The following EPB41 variants were observed in gnomAD, a reference collection of about 807,000 sequenced individuals.
The protein encoded by EPB41 is protein 4.1.
EPB41 carries 65 observed loss-of-function variants against 108.0 expected under a neutral mutation model. The observed-to-expected ratio is 0.60, with a 90% CI of 0.49 to 0.74. The LOEUF is 0.74. Ranked by LOEUF, EPB41 falls within the 30% of genes least tolerant of loss-of-function variation. The probability of loss-of-function intolerance (pLI) is 0.00; values close to 1 mark genes in which losing one functional copy is unlikely to be tolerated. For missense variants in EPB41, 875 were observed against 1,037.0 expected (o/e 0.84, Z 2.15); for synonymous variants, 336 against 358.9 (o/e 0.94, Z 0.72).
intron 16 of EPB41, among the ~76,000 whole-genome samples, chr1:29,095,014 T>C (rs1662690289): frequency 6.6e-6 from 1 of 152,238 alleles, no homozygotes; most frequent in Non-Finnish European, 1.5e-5. Flanking sequence ...TGTTATACTA[T>C]ATTCTTTAGG....
intron 1 of EPB41, among the ~76,000 whole-genome samples, chr1:28,948,433 CG>C (rs2148912579): frequency 6.7e-6 from 1 of 149,356 alleles, no homozygotes; most frequent in Non-Finnish European, 1.5e-5. Context: ...GGCATGAACC[CG>C]AGAGGCAGAG....
chr1:29,070,377 C>T, intron 16 of EPB41: 1 of 1,232,078 alleles, frequency 8.1e-7, no homozygotes, highest in Non-Finnish European at 1.0e-6. Context: ...CAGGAACGTG[C>T]TCTGTTAGTA....
chr1:28,949,601 T>A (rs1021555587), intron 1 of EPB41, among the ~76,000 whole-genome samples: 2 of 151,928 alleles, frequency 1.3e-5, no homozygotes, highest in Admixed American at 6.6e-5. Context: ...TTTATTTATT[T>A]ATTTATTTTT....
intron 3 of EPB41, 95 bp downstream of exon 3, chr1:28,993,637 G>A: frequency 1.1e-6 from 1 of 928,522 alleles, no homozygotes; most frequent in South Asian, 1.5e-5. Context: ...AAGACTCACT[G>A]TAGTGATTAT....
At chr1:28,962,668 T>C (rs2095253741) in intron 1 of EPB41, among the ~76,000 whole-genome samples, 1 of 152,108 alleles carries the variant, frequency 6.6e-6, no homozygotes, top group African/African-American at 2.4e-5. Context: ...TTGACTAGGT[T>C]AGAACTTTCT....
At chr1:29,113,340 T>C (rs1467945091) in intron 19 of EPB41, among the ~76,000 whole-genome samples, 1 of 152,238 alleles carries the variant, frequency 6.6e-6, no homozygotes, top group Non-Finnish European at 1.5e-5. Flanking sequence ...GCTGATATGC[T>C]GAGTGCCTTT....
rs533939229 is a variant in EPB41, at chr1:28,974,129, C to G, written c.-7-13302C>G. Among the ~76,000 whole-genome samples the G allele has an allele frequency of 2.0e-5, 3 of 152,266 alleles. No homozygotes were observed. In the South Asian group the frequency reaches 6.2e-4, roughly 32 times the overall value. Reference sequence around the variant, plus strand: ...CTTCTAGCTCTGACAGATTTTTTCTCTCTAAAATAGATTGCTCAGAACCGA... The same window carrying G: ...CTTCTAGCTCTGACAGATTTTTTCTGTCTAAAATAGATTGCTCAGAACCGA... On this transcript the variant is annotated intron_variant, in intron 1 of 20. Coordinates refer to ENST00000343067, the MANE Select transcript of EPB41 (RefSeq NM_001376013.1).
intron 1 of EPB41, among the ~76,000 whole-genome samples, chr1:28,972,766 AT>A (rs5773227): frequency 1.6e-4 from 24 of 146,996 alleles, no homozygotes; most frequent in Non-Finnish European, 2.1e-4. Context: ...TGCTTGGCTA[AT>A]TTTTTTTTTT....
In EPB41 at chr1:28,887,919, T is replaced by C. The variant is rs1443884169; in HGVS notation, c.-8+709T>C. Among the ~76,000 whole-genome samples, 3 of 152,176 alleles carry C rather than the reference T, an allele frequency of 2.0e-5. No homozygotes were observed. The highest frequency in any genetic ancestry group is 4.4e-5 in the Non-Finnish European group (3 of 68,018). On this transcript the variant is annotated intron_variant, in intron 1 of 16. Coordinates refer to the EPB41 transcript ENST00000347529. The surrounding 1 kb of genome is among the most constrained non-coding windows in gnomAD (Gnocchi z 4.9). ...GGTTCCCTGTATCTCTCATCTGTCG[T>C]CTCTGTTTTGCTGTCTTTTCCTGTC...
At chr1:28,928,887 C>T (rs1463587037) in intron 1 of EPB41, among the ~76,000 whole-genome samples, 2 of 152,102 alleles carry the variant, frequency 1.3e-5, no homozygotes, top group Admixed American at 6.5e-5. Flanking sequence ...AGGAACAGTG[C>T]AATACAGTCA....
At chr1:28,959,212 CTTTT>C (rs34502231) in intron 1 of EPB41, among the ~76,000 whole-genome samples, 1 of 97,936 alleles carries the variant, frequency 1.0e-5, no homozygotes, top group African/African-American at 4.1e-5. Context: ...AAAGTTTGAT[CTTTT>C]TTTTTTTTTT....
intron 4 of EPB41, among the ~76,000 whole-genome samples, chr1:29,004,500 T>C (rs1391325719): frequency 6.6e-6 from 1 of 152,214 alleles, no homozygotes; most frequent in East Asian, 1.9e-4. Flanking sequence ...TATAGTCATC[T>C]GAAAGGATTG....
rs752730549 is a variant in EPB41, at chr1:28,987,732, G to A, written c.295G>A (p.Gly99Ser). Residue 99 changes from glycine (G) to serine (S), a missense_variant, in exon 2 of 21, where the codon GGC (glycine) becomes AGC (serine). Physicochemically the swap from Gly to Ser is moderately conservative, Grantham distance 56 (BLOSUM62 0). Transcript: ENST00000343067. ...CAAATCTCAGGTGTCCGAGGAAGAAGGCAAAGAAGTAGAGTCAGATAAAGA... is the reference window on the plus strand; with the variant it reads ...CAAATCTCAGGTGTCCGAGGAAGAAAGCAAAGAAGTAGAGTCAGATAAAGA... ...RPKSQVSEEEGKEVESDKEKG... is the reference protein window; with the variant it reads ...RPKSQVSEEESKEVESDKEKG... The A allele has an allele frequency of 7.4e-6, 12 of 1,614,026 alleles. No homozygotes were observed. The highest frequency in any genetic ancestry group is 1.0e-5 in the Non-Finnish European group (12 of 1,180,042).
chr1:28,935,705 G>A (rs941338253), intron 1 of EPB41, among the ~76,000 whole-genome samples: 2 of 151,770 alleles, frequency 1.3e-5, no homozygotes, highest in Non-Finnish European at 2.9e-5. Flanking sequence ...CAGACCATGC[G>A]GTCATGAGAT....
intron 11 of EPB41, among the ~76,000 whole-genome samples, chr1:29,052,311 G>A (rs1644671599): frequency 6.6e-6 from 1 of 152,244 alleles, no homozygotes; most frequent in South Asian, 2.1e-4. Flanking sequence ...AACCAAAAAT[G>A]TCTCCGGACA....
In EPB41 at chr1:29,047,556, G is replaced by C. The variant is rs561394916; in HGVS notation, c.1637-5548G>C. On this transcript the variant is annotated intron_variant, in intron 11 of 20. Coordinates refer to ENST00000343067, the MANE Select transcript of EPB41 (RefSeq NM_001376013.1). Reference sequence around the variant, plus strand: ...GGTGTGAGTCATCGCACCTGGCCTAGTTGTGTTTTTCTAGGAAATGTGCAT... The same window carrying C: ...GGTGTGAGTCATCGCACCTGGCCTACTTGTGTTTTTCTAGGAAATGTGCAT... Among the ~76,000 whole-genome samples, 15 of 151,662 alleles carry C rather than the reference G, an allele frequency of 9.9e-5. 1 individual carries two copies. The East Asian group carries it at 2.3e-3, about 24-fold the overall frequency.
chr1:28,942,219 G>A (rs958182598), intron 1 of EPB41, among the ~76,000 whole-genome samples: 4 of 152,118 alleles, frequency 2.6e-5, no homozygotes, highest in African/African-American at 9.7e-5. Context: ...ATAGCAGCTG[G>A]GTGTCCTATA....
At chr1:29,037,566 T>C (rs1639969585) in intron 10 of EPB41, among the ~76,000 whole-genome samples, 1 of 151,370 alleles carries the variant, frequency 6.6e-6, no homozygotes, top group South Asian at 2.1e-4. Flanking sequence ...GAAAGGAAAG[T>C]TGGCTATTTA....
rs554163319 is a variant in EPB41 at position 28,917,246 on chromosome 1, C to CTGTG, written c.-8+2479_-8+2480insGTGT. 2.9e-3 allele frequency among the ~76,000 whole-genome samples: 446 copies of CTGTG among 151,642 alleles called. 2 individuals carry two copies. Among genetic ancestry groups the CTGTG allele is most frequent in the African/African-American group, 0.01 (427 of 41,248 alleles). ...ATAACCCTTGCTTTGCCATCTCTCT[C>CTGTG]TCTGTGTGTGTGTGTGTGTGTATGT... On this transcript the variant is annotated intron_variant, in intron 1 of 20. Coordinates refer to ENST00000343067, the MANE Select transcript of EPB41 (RefSeq NM_001376013.1).
Sources: gnomAD v4.1 joint callset for allele counts (sites outside exome capture counted in the v4.1 genomes callset) on GRCh38, gnomAD v4.1.1 for gene constraint, Gnocchi (gnomAD v3.1) non-coding constraint, MANE v1.5 for transcripts, NCBI Gene and HGNC (gene_info 2026-07-23, HGNC 2026-07-21) for gene names.